Variants in NELL2 observed in about 807,000 individuals in gnomAD.
The protein encoded by NELL2 is neural EGFL like 2.
NELL2 carries 41 observed loss-of-function variants against 109.6 expected under a neutral mutation model. The observed-to-expected ratio is 0.37, with a 90% CI of 0.29 to 0.49. NELL2 has a LOEUF of 0.49. NELL2 is among the 20% of genes least tolerant of loss of function. The pLI is 0.98. For missense variants in NELL2, 900 were observed against 1,008.3 expected (o/e 0.89, Z 1.45); for synonymous variants, 355 against 344.7 (o/e 1.03, Z -0.33).
intron 13 of NELL2, among the ~76,000 whole-genome samples, chr12:44,642,020 C>A (rs1001093962): frequency 1.3e-5 from 2 of 152,026 alleles, no homozygotes; most frequent in Non-Finnish European, 1.5e-5. Flanking sequence ...TTTGGAGTCA[C>A]AATTTTCTCC....
At chr12:44,895,665 G>A (rs1945584565) in intron 1 of NELL2, among the ~76,000 whole-genome samples, 1 of 152,004 alleles carries the variant, frequency 6.6e-6, no homozygotes, top group African/African-American at 2.4e-5. Flanking sequence ...TGTATCCACA[G>A]CAATAAGATT....
intron 9 of NELL2, among the ~76,000 whole-genome samples, chr12:44,731,260 A>C (rs573428639): frequency 1.3e-5 from 2 of 152,244 alleles, no homozygotes; most frequent in Non-Finnish European, 2.9e-5. Context: ...GGCCAATATT[A>C]CCCTGATATG....
chr12:44,816,691 G>A (rs769345754), intron 2 of NELL2, among the ~76,000 whole-genome samples: 3 of 152,132 alleles, frequency 2.0e-5, no homozygotes, highest in Non-Finnish European at 4.4e-5. Flanking sequence ...CAGTGGAAGA[G>A]GCATTAAGAT....
intron 9 of NELL2, among the ~76,000 whole-genome samples, chr12:44,756,318 ATTTTCTCTCTCT>A (rs1015694503): frequency 3.1e-4 from 47 of 151,256 alleles, no homozygotes; most frequent in African/African-American, 1.1e-3. Context: ...CTTATCTCTC[ATTTTCTCTCTCT>A]TTTTCTCTCT....
At chr12:44,869,956 T>A (rs116901823) in intron 2 of NELL2, among the ~76,000 whole-genome samples, 191 of 152,278 alleles carry the variant, frequency 1.3e-3, no homozygotes, top group Non-Finnish European at 2.0e-3. Context: ...AAAGCCAGAG[T>A]GCACCTTCAA....
At chr12:44,793,336 T>C (rs1053360785) in intron 3 of NELL2, among the ~76,000 whole-genome samples, 7 of 152,194 alleles carry the variant, frequency 4.6e-5, no homozygotes, top group Admixed American at 2.0e-4. Context: ...ACAACAAGTA[T>C]TCATTATTTA....
At chr12:44,680,876 A>T (rs754246394) in intron 12 of NELL2, among the ~76,000 whole-genome samples, 1 of 152,164 alleles carries the variant, frequency 6.6e-6, no homozygotes, top group Non-Finnish European at 1.5e-5. Flanking sequence ...AATGAAGCTA[A>T]CATTTACTAC....
chr12:44,545,155 T>C (rs1379954536), intron 15 of NELL2, among the ~76,000 whole-genome samples: 1 of 152,128 alleles, frequency 6.6e-6, no homozygotes, highest in Non-Finnish European at 1.5e-5. Context: ...TTCTCTCTGA[T>C]ACATGAATGA....
At chr12:44,700,607 CT>C (rs1009140604) in intron 12 of NELL2, among the ~76,000 whole-genome samples, 1 of 152,116 alleles carries the variant, frequency 6.6e-6, no homozygotes, top group African/African-American at 2.4e-5. Context: ...GATTCCCTGA[CT>C]TTTACTTACC....
intron 12 of NELL2, among the ~76,000 whole-genome samples, chr12:44,686,673 C>T (rs1359147514): frequency 2.0e-5 from 3 of 151,380 alleles, no homozygotes; most frequent in Admixed American, 6.6e-5. Context: ...AGTACCCGGC[C>T]GTGTGAGGTG....
At chr12:44,759,502 G>C (rs1044356030) in intron 9 of NELL2, among the ~76,000 whole-genome samples, 1 of 152,176 alleles carries the variant, frequency 6.6e-6, no homozygotes, top group Admixed American at 6.5e-5. Flanking sequence ...AAAAGTGAGA[G>C]TGTCATAAAC....
At chr12:44,524,880 T>A (rs1270562442) in intron 16 of NELL2, among the ~76,000 whole-genome samples, 1 of 152,216 alleles carries the variant, frequency 6.6e-6, no homozygotes, top group Non-Finnish European at 1.5e-5. Context: ...ATGGTTAATG[T>A]GTATTTTTTC....
In NELL2 at chr12:44,675,021, AAAGGAC is replaced by A. The variant is rs539558962; in HGVS notation, c.1319-9418_1319-9413del. On this transcript the variant is annotated intron_variant, in intron 12 of 19. Coordinates refer to ENST00000429094, the MANE Select transcript of NELL2 (RefSeq NM_001145108.2). ...GAATCTTTTTATGGCTTTTCCTTTA[AAAGGAC>A]AAAGGGGAAAGTGTCCTCATTTACA... Among the ~76,000 whole-genome samples the A allele has an allele frequency of 9.8e-5, 15 of 152,290 alleles. No individual in the cohort carries two copies. The South Asian group carries it at 3.1e-3, about 32-fold the overall frequency.
At chr12:44,856,957 G>T (rs1327536441) in intron 2 of NELL2, among the ~76,000 whole-genome samples, 2 of 152,190 alleles carry the variant, frequency 1.3e-5, no homozygotes. Context: ...GTGAAAGAGG[G>T]TGGTAGCTTG....
At chr12:44,664,421 C>G (rs528696475) in intron 13 of NELL2, among the ~76,000 whole-genome samples, 99 of 152,030 alleles carry the variant, frequency 6.5e-4, no homozygotes, top group Non-Finnish European at 1.2e-3. Flanking sequence ...TTTATAAATA[C>G]TATATTTGAA....
rs914630994 is a variant in NELL2 at position 44,508,650 on chromosome 12, T to A, written c.*284A>T. The A allele has an allele frequency of 5.0e-5, 13 of 261,382 alleles. No homozygotes were observed. The highest frequency in any genetic ancestry group is 9.4e-5 in the Non-Finnish European group (13 of 138,282). The allele number at this position is 261,382 out of a possible 1,614,324, so 16.2% of individuals were successfully genotyped here. On this transcript the variant is annotated 3_prime_UTR_variant, in exon 20 of 20. Coordinates refer to ENST00000429094, the MANE Select transcript of NELL2 (RefSeq NM_001145108.2). ...TTTCACAGATCCAATGGGCTCAGGC[T>A]TTCTATCCAGGGTTCAGGATGTCAC...
intron 9 of NELL2, among the ~76,000 whole-genome samples, chr12:44,756,022 G>A (rs1388607260): frequency 6.6e-6 from 1 of 152,148 alleles, no homozygotes; most frequent in Non-Finnish European, 1.5e-5. Context: ...AACTTCACCT[G>A]TGACTCTGCC....
intron 2 of NELL2, among the ~76,000 whole-genome samples, chr12:44,824,867 C>T (rs914231480): frequency 6.6e-6 from 1 of 151,758 alleles, no homozygotes; most frequent in African/African-American, 2.4e-5. Context: ...CCCGCCACAA[C>T]GCCTGGCTGA....
At chr12:44,586,517 A>G (rs1360399754) in intron 15 of NELL2, among the ~76,000 whole-genome samples, 1 of 152,066 alleles carries the variant, frequency 6.6e-6, no homozygotes, top group Non-Finnish European at 1.5e-5. Context: ...CTACCTATAT[A>G]ATTTTCGAGT....
Sources: gnomAD v4.1 joint callset for allele counts (sites outside exome capture counted in the v4.1 genomes callset) on GRCh38, gnomAD v4.1.1 for gene constraint, MANE v1.5 for transcripts, NCBI Gene and HGNC (gene_info 2026-07-23, HGNC 2026-07-21) for gene names.